MAP3K13: variants seen among roughly 807,000 people sequenced by gnomAD.
The protein encoded by MAP3K13 is leucine zipper-bearing kinase.
A neutral mutation model predicts 104.0 loss-of-function variants in MAP3K13; 52 were observed. The observed-to-expected ratio is 0.50, with a 90% confidence interval of 0.40 to 0.63. MAP3K13 has a LOEUF of 0.63. Ranked by LOEUF, MAP3K13 falls within the 20% of genes least tolerant of loss-of-function variation. The pLI, the probability that MAP3K13 is intolerant of heterozygous loss-of-function variation, is 0.00. For synonymous variants in MAP3K13, 394 were observed against 442.2 expected (o/e 0.89, Z 1.37); for missense variants, 914 against 1,218.5 (o/e 0.75, Z 3.72).
chr3:185,451,306 C>G lies in MAP3K13; in HGVS notation c.1189C>G (p.Arg397Gly), dbSNP rs1241758868. ...KQTWQSKPRN[R>G]PSFRQTLMHL... Reference sequence around the variant, plus strand: ...TTTTAGGCAGAGTAAACCTCGAAACCGACCTTCTTTTCGGCAGACACTCAT... The same window carrying G: ...TTTTAGGCAGAGTAAACCTCGAAACGGACCTTCTTTTCGGCAGACACTCAT... Residue 397 changes from arginine (R) to glycine (G), a missense_variant, in exon 7 of 14, where the codon CGA (arginine) becomes GGA (glycine). Physicochemically the swap from Arg to Gly is moderately radical, Grantham distance 125. Transcript: ENST00000265026. 1.2e-6 allele frequency: 2 copies of G among 1,612,576 alleles called. No homozygotes were observed. The highest frequency in any genetic ancestry group is 1.1e-5 in the South Asian group (1 of 90,728).
intron 2 of MAP3K13, among the ~76,000 whole-genome samples, chr3:185,289,106 C>G (rs1720641262): frequency 6.6e-6 from 1 of 152,058 alleles, no homozygotes; most frequent in South Asian, 2.1e-4. Context: ...TGGAGAAACT[C>G]CATAGGAAGT....
chr3:185,340,869 G>A (rs1560055440), intron 2 of MAP3K13, among the ~76,000 whole-genome samples: 1 of 152,012 alleles, frequency 6.6e-6, no homozygotes, highest in East Asian at 1.9e-4. Flanking sequence ...GTTTCCTGAG[G>A]CCTCCCCAGC....
chr3:185,384,582 A>T (rs1041603778), intron 1 of MAP3K13, among the ~76,000 whole-genome samples: 4 of 152,156 alleles, frequency 2.6e-5, no homozygotes, highest in Admixed American at 2.6e-4. Flanking sequence ...TGTTCCCACC[A>T]ACAGTGTATA....
At chr3:185,305,202 CT>C (rs1280133164) in intron 2 of MAP3K13, among the ~76,000 whole-genome samples, 1 of 152,038 alleles carries the variant, frequency 6.6e-6, no homozygotes, top group African/African-American at 2.4e-5. Context: ...TCTCTTGCTG[CT>C]TGCCTTTTTG....
chr3:185,460,467 TC>T (rs1717033851), intron 7 of MAP3K13, among the ~76,000 whole-genome samples: 1 of 152,170 alleles, frequency 6.6e-6, no homozygotes, highest in Non-Finnish European at 1.5e-5. Flanking sequence ...GGTGGCTTTG[TC>T]ACAGGTCAGG....
chr3:185,375,272 C>T (rs141300282), intron 1 of MAP3K13, among the ~76,000 whole-genome samples: 13 of 152,232 alleles, frequency 8.5e-5, no homozygotes, highest in Middle Eastern at 3.4e-3. Context: ...TTTCCTGACA[C>T]GAGGCATCTG....
intron 1 of MAP3K13, among the ~76,000 whole-genome samples, chr3:185,426,261 T>C (rs539041877): frequency 1.3e-5 from 2 of 152,244 alleles, no homozygotes; most frequent in South Asian, 4.1e-4. Context: ...TTTGTATTTT[T>C]AGTAGAGATG....
At chr3:185,475,725 C>T (rs1718084651) in intron 11 of MAP3K13, among the ~76,000 whole-genome samples, 1 of 152,126 alleles carries the variant, frequency 6.6e-6, no homozygotes, top group African/African-American at 2.4e-5. Flanking sequence ...GTGGTGCACT[C>T]CTGTAATCCC....
At chr3:185,313,269 GTTT>G (rs34876743) in intron 2 of MAP3K13, among the ~76,000 whole-genome samples, 24 of 116,568 alleles carry the variant, frequency 2.1e-4, no homozygotes, top group South Asian at 5.3e-4. Context: ...AATAGTACAA[GTTT>G]TTTTTTTTTT....
Position 185,293,275 on chromosome 3 carries a change from G to A in MAP3K13, c.-86+7632G>A, listed in dbSNP as rs150156371. ...TGGGACTACAGGCACTCGCCACTGC[G>A]CCTGGCTAATTTTTATATTTTTAGT... On this transcript the variant is annotated intron_variant, in intron 2 of 14. Transcript: ENST00000424227. Among the ~76,000 whole-genome samples, 1,258 of 151,260 alleles carry A rather than the reference G, an allele frequency of 8.3e-3. 19 individuals are homozygous for A. Among genetic ancestry groups the A allele is most frequent in the African/African-American group, 0.029 (1,173 of 41,138 alleles).
At chr3:185,422,634 G>A (rs544389470) in intron 1 of MAP3K13, among the ~76,000 whole-genome samples, 2 of 152,316 alleles carry the variant, frequency 1.3e-5, no homozygotes, top group East Asian at 1.9e-4. Context: ...AGAAATTTAC[G>A]AGGAATTAAT....
intron 7 of MAP3K13, among the ~76,000 whole-genome samples, chr3:185,452,640 G>A (rs1715956961): frequency 6.6e-6 from 1 of 152,144 alleles, no homozygotes; most frequent in Non-Finnish European, 1.5e-5. Context: ...CTTTGACTGG[G>A]CTCACTCGTG....
Position 185,372,590 on chromosome 3 carries a change from T to C in MAP3K13, c.-86+9222T>C, listed in dbSNP as rs143645074. 1.6e-4 allele frequency among the ~76,000 whole-genome samples: 25 copies of C among 152,338 alleles called. No individual in the cohort carries two copies. In the East Asian group the frequency reaches 4.8e-3, roughly 29 times the overall value. ...TACTCACTCATCATCTGCTCTCCTT[T>C]GATTAAAAGGTTATCTACATTGATG... On this transcript the variant is annotated intron_variant, in intron 1 of 13. Transcript: ENST00000265026.
rs555442643 is a variant in MAP3K13 at position 185,465,618 on chromosome 3, G to A, written c.1389-129G>A. The A allele has an allele frequency of 1.9e-5, 13 of 686,606 alleles. No homozygotes were observed. The South Asian group carries it at 1.9e-4, about 10-fold the overall frequency. 42.5% of individuals were successfully genotyped at this position (686,606 alleles called of 1,614,324 possible). ...TTGTCTGAGTTACTGCACTGGACAAGGGAGGCTTAAAGTAAGAGGGCCTTG... is the reference window on the plus strand; with the variant it reads ...TTGTCTGAGTTACTGCACTGGACAAAGGAGGCTTAAAGTAAGAGGGCCTTG... On this transcript the variant is annotated intron_variant, in intron 8 of 13. Coordinates refer to ENST00000265026, the MANE Select transcript of MAP3K13 (RefSeq NM_004721.5).
At position 185,418,117 on chromosome 3, in the gene MAP3K13, A is replaced by G; in HGVS notation, c.-85-10380A>G. 1.9e-6 allele frequency: 3 copies of G among 1,609,848 alleles called. No homozygotes were observed. Among genetic ancestry groups the G allele is most frequent in the Non-Finnish European group, 2.5e-6 (3 of 1,177,852 alleles). ...CAGAGTAATTCCAGGGATGTTTCTG[A>G]AGGCCTTGATGATACCATTATCCTC... On this transcript the variant is annotated intron_variant, in intron 1 of 13. Transcript: ENST00000265026. This position sits in a 1 kb window ranked among gnomAD's most constrained non-coding sequence, Gnocchi z 4.5.
intron 2 of MAP3K13, among the ~76,000 whole-genome samples, chr3:185,305,064 C>A (rs1490964497): frequency 6.6e-6 from 1 of 152,122 alleles, no homozygotes. Context: ...CTTTAAAATC[C>A]ATTTTCTATG....
intron 2 of MAP3K13, among the ~76,000 whole-genome samples, chr3:185,333,968 C>T (rs141984735): frequency 3.3e-5 from 5 of 152,160 alleles, no homozygotes; most frequent in South Asian, 4.2e-4. Context: ...GTGAGAGGAT[C>T]GCTTGAGCCC....
intron 2 of MAP3K13, among the ~76,000 whole-genome samples, chr3:185,347,039 T>G (rs752433186): frequency 4.9e-5 from 7 of 143,168 alleles, no homozygotes; most frequent in Non-Finnish European, 1.5e-5. Context: ...CAGGCTGGAG[T>G]GCAGTGGCGC....
intron 1 of MAP3K13, among the ~76,000 whole-genome samples, chr3:185,388,637 C>T (rs1711846512): frequency 6.6e-6 from 1 of 152,108 alleles, no homozygotes; most frequent in Non-Finnish European, 1.5e-5. Context: ...TCAATGCCAT[C>T]CCTATCAAAA....
Sources: allele counts gnomAD v4.1 joint callset (sites outside exome capture counted in the v4.1 genomes callset), GRCh38; gene constraint gnomAD v4.1.1; non-coding constraint Gnocchi (gnomAD v3.1); transcripts MANE v1.5; gene names NCBI Gene and HGNC (gene_info 2026-07-23, HGNC 2026-07-21).